The following FAR1 variants were observed in gnomAD, a reference collection of about 807,000 sequenced individuals.
FAR1 encodes male sterility domain-containing protein 2.
A neutral mutation model predicts 61.1 loss-of-function variants in FAR1; 22 were observed. The observed-to-expected ratio is 0.36, with a 90% confidence interval of 0.26 to 0.51. The LOEUF (loss-of-function observed/expected upper bound fraction) is 0.51, where lower values mean the gene tolerates loss of function less well. Ranked by LOEUF, FAR1 falls within the 20% of genes least tolerant of loss-of-function variation. The pLI is 0.95. For synonymous variants in FAR1, 206 were observed against 209.7 expected, an observed-to-expected ratio of 0.98 and a Z score of 0.15; for missense variants, 359 against 626.9, an observed-to-expected ratio of 0.57 and a Z score of 4.56.
intron 7 of FAR1, among the ~76,000 whole-genome samples, chr11:13,712,416 G>A (rs1848509844): frequency 6.6e-6 from 1 of 152,146 alleles, no homozygotes; most frequent in Middle Eastern, 3.4e-3. Context: ...CACCAGAGCA[G>A]CTTTAATCAG....
rs567498197 is a variant in FAR1 at position 13,687,829 on chromosome 11, C to T, written c.-7-6930C>T. Among the ~76,000 whole-genome samples, 831 of 151,930 alleles carry T rather than the reference C, an allele frequency of 5.5e-3. 6 individuals carry two copies. Among genetic ancestry groups the T allele is most frequent in the African/African-American group, 0.018 (763 of 41,426 alleles). ...GGACATGGATGAAGCTGGAAACCATCATTCTCAGCAAACTATCGCAAGGAC... is the reference window on the plus strand; with the variant it reads ...GGACATGGATGAAGCTGGAAACCATTATTCTCAGCAAACTATCGCAAGGAC... On this transcript the variant is annotated intron_variant, in intron 1 of 11. Coordinates refer to ENST00000354817, the MANE Select transcript of FAR1 (RefSeq NM_032228.6).
rs918790698 is a variant in FAR1 at position 13,723,143 on chromosome 11, T to A, written c.1257+1284T>A. ...TACTTTGGAGGCTGAGGTGGAAGAA[T>A]GGCTCGAGGCCAGGAGTTCAAGACC... On this transcript the variant is annotated intron_variant, in intron 10 of 11. Transcript: ENST00000354817. Among the ~76,000 whole-genome samples, 13 of 151,942 alleles carry A rather than the reference T, an allele frequency of 8.6e-5. No homozygotes were observed. The South Asian group carries it at 2.7e-3, about 32-fold the overall frequency.
At chr11:13,669,025 G>A (rs1452063510) in intron 1 of FAR1, among the ~76,000 whole-genome samples, 4 of 152,196 alleles carry the variant, frequency 2.6e-5, no homozygotes, top group African/African-American at 4.8e-5. Context: ...GCCCTTCACA[G>A]GGCCGGGACC....
chr11:13,700,844 C>T (rs1404399809), intron 3 of FAR1, among the ~76,000 whole-genome samples: 1 of 152,080 alleles, frequency 6.6e-6, no homozygotes, highest in African/African-American at 2.4e-5. Context: ...TTCTAATCTA[C>T]ATCATATCCA....
chr11:13,685,507 C>G (rs1848176196), intron 1 of FAR1: 1 of 216,544 alleles, frequency 4.6e-6, no homozygotes, highest in Non-Finnish European at 9.9e-6. Context: ...CTTTATAGAC[C>G]CAGTCTGGTT....
intron 1 of FAR1, among the ~76,000 whole-genome samples, chr11:13,669,036 G>T (rs961349568): frequency 3.9e-5 from 6 of 152,172 alleles, no homozygotes; most frequent in African/African-American, 1.4e-4. Context: ...GGCCGGGACC[G>T]CGTGGGGGAC....
intron 10 of FAR1, among the ~76,000 whole-genome samples, chr11:13,722,843 C>CCT (rs140943706): frequency 0.062 from 8,913 of 142,986 alleles, 418 homozygotes; most frequent in East Asian, 0.27. Context: ...TAGATTTCTC[C>CCT]CTCTCTCTCT....
At chr11:13,683,543 T>C (rs538739681) in intron 1 of FAR1, among the ~76,000 whole-genome samples, 1 of 137,270 alleles carries the variant, frequency 7.3e-6, no homozygotes, top group Non-Finnish European at 1.6e-5. Flanking sequence ...AGTTTTTTGT[T>C]TTTTTTTAAC....
In FAR1 at chr11:13,731,185, CTATATT is replaced by C. The variant is rs1848721844; in HGVS notation, c.*2419_*2424del. ...TTTGTAAATTGTGATGTCATTGAGA[CTATATT>C]TATATTTGACTTGGCAACATTAACA... On this transcript the variant is annotated 3_prime_UTR_variant, in exon 12 of 12. Coordinates refer to ENST00000354817, the MANE Select transcript of FAR1 (RefSeq NM_032228.6). 1 of 152,498 alleles carries C rather than the reference CTATATT, an allele frequency of 6.6e-6. No individual in the cohort carries two copies. Among genetic ancestry groups the C allele is most frequent in the Admixed American group, 6.6e-5 (1 of 15,248 alleles). The allele number at this position is 152,498 out of a possible 1,614,324, so 9.4% of individuals were successfully genotyped here. A position where few individuals can be genotyped will look rare whatever the true frequency, so the allele number is the denominator to read the frequency against.
At chr11:13,712,885 T>G (rs1175736940) in intron 7 of FAR1, 81 bp from the exon 8 acceptor site, 1 of 1,055,508 alleles carries the variant, frequency 9.5e-7, no homozygotes, top group African/African-American at 1.6e-5. Flanking sequence ...TCCTCATGTC[T>G]TCTTGAATAC....
rs186717966 is a variant in FAR1 at position 13,698,573 on chromosome 11, A to G, written c.190-1744A>G. 1.3e-4 allele frequency among the ~76,000 whole-genome samples: 20 copies of G among 152,258 alleles called. No individual in the cohort carries two copies. In the East Asian group the frequency reaches 3.7e-3, roughly 28 times the overall value. On this transcript the variant is annotated intron_variant, in intron 2 of 11. Coordinates refer to ENST00000354817, the MANE Select transcript of FAR1 (RefSeq NM_032228.6). ...GCGACCGGGCTGGTGGCTCACGCCTATAATCCCAGCGCTTTGGGAGGTCAA... is the reference window on the plus strand; with the variant it reads ...GCGACCGGGCTGGTGGCTCACGCCTGTAATCCCAGCGCTTTGGGAGGTCAA...
intron 1 of FAR1, among the ~76,000 whole-genome samples, chr11:13,675,403 T>C (rs1848057200): frequency 6.6e-6 from 1 of 152,202 alleles, no homozygotes; most frequent in African/African-American, 2.4e-5. Context: ...GGTAATCACA[T>C]GGATAAAGCG....
chr11:13,719,716 AG>A (rs1848589521), intron 9 of FAR1, among the ~76,000 whole-genome samples: 1 of 152,128 alleles, frequency 6.6e-6, no homozygotes, highest in Admixed American at 6.6e-5. Context: ...TTATCACAAC[AG>A]GGGGAGGGCT....
Position 13,729,202 on chromosome 11 carries a change from A to G in FAR1, c.*428A>G, listed in dbSNP as rs1377943653. The G allele has an allele frequency of 6.6e-6, 1 of 152,590 alleles. No homozygotes were observed. The highest frequency in any genetic ancestry group is 1.5e-5 in the Non-Finnish European group (1 of 67,996). 9.5% of individuals were successfully genotyped at this position (152,590 alleles called of 1,614,324 possible). On this transcript the variant is annotated 3_prime_UTR_variant, in exon 12 of 12. Transcript: ENST00000354817. ...ACAGTAATACTAGCAAAGTTGGTAG[A>G]TATTTGATTCTTCATTTTTTGTTTT...
intron 3 of FAR1, among the ~76,000 whole-genome samples, chr11:13,704,224 CTG>C (rs1848409791): frequency 1.3e-5 from 2 of 151,918 alleles, no homozygotes. Flanking sequence ...AGGCAAGAAA[CTG>C]GAGAATGTGA....
chr11:13,700,259 T>G, intron 2 of FAR1, 58 bp from the exon 3 acceptor site: 1 of 1,290,190 alleles, frequency 7.8e-7, no homozygotes, highest in Non-Finnish European at 1.1e-6. Context: ...ATGGTGATAA[T>G]GAGTTTTAGA....
intron 1 of FAR1, among the ~76,000 whole-genome samples, chr11:13,690,064 C>T (rs933285634): frequency 9.9e-5 from 15 of 151,798 alleles, no homozygotes; most frequent in Middle Eastern, 3.4e-3. Context: ...TTAGTAGAGA[C>T]GGGGTTTCAC....
At chr11:13,675,438 C>T (rs1326067130) in intron 1 of FAR1, among the ~76,000 whole-genome samples, 1 of 75,078 alleles carries the variant, frequency 1.3e-5, no homozygotes, top group African/African-American at 4.7e-5. Context: ...CTAATTTTGG[C>T]GCTATAGAAT....
At chr11:13,724,486 G>A (rs1848648544) in intron 10 of FAR1, among the ~76,000 whole-genome samples, 1 of 149,618 alleles carries the variant, frequency 6.7e-6, no homozygotes, top group Non-Finnish European at 1.5e-5. Context: ...GGAGGCAGAG[G>A]TTGCAGGGAG....
Sources: allele counts gnomAD v4.1 joint callset (sites outside exome capture counted in the v4.1 genomes callset), GRCh38; gene constraint gnomAD v4.1.1; transcripts MANE v1.5; gene names NCBI Gene and HGNC (gene_info 2026-07-23, HGNC 2026-07-21).